PCDH15: variants seen among roughly 807,000 people sequenced by gnomAD.
PCDH15 encodes protocadherin-15.
In PCDH15, 129 loss-of-function variants were observed where a neutral mutation model predicts 178.5. The observed-to-expected ratio is 0.72, with a 90% CI of 0.63 to 0.84. The LOEUF (loss-of-function observed/expected upper bound fraction) is 0.84. Among genes scored for constraint, PCDH15 ranks in the 40% least tolerant of loss-of-function variants. The pLI, the probability that PCDH15 is intolerant of heterozygous loss-of-function variation, is 0.00. For missense variants in PCDH15, 2,230 were observed against 2,099.9 expected, an observed-to-expected ratio of 1.06 and a Z score of -1.21; for synonymous variants, 800 against 732.0, an observed-to-expected ratio of 1.09 and a Z score of -1.50.
chr10:54,750,506 A>C (rs10763135), intron 1 of PCDH15, among the ~76,000 whole-genome samples: 54,211 of 151,924 alleles, frequency 0.36, 10,065 homozygotes, highest in Middle Eastern at 0.46. Flanking sequence ...TAAAGAATTT[A>C]ACTTCACTGT....
intron 3 of PCDH15, among the ~76,000 whole-genome samples, chr10:54,864,163 A>G (rs1403891738): frequency 6.6e-6 from 1 of 152,144 alleles, no homozygotes; most frequent in East Asian, 1.9e-4. Flanking sequence ...CATACACTTG[A>G]CATCTTTGGC....
intron 1 of PCDH15, among the ~76,000 whole-genome samples, chr10:54,775,456 C>G (rs1375443624): frequency 6.6e-6 from 1 of 152,160 alleles, no homozygotes; most frequent in Non-Finnish European, 1.5e-5. Context: ...TATCCATTAT[C>G]TCCAATATTT....
chr10:54,342,857 C>T (rs552974012), intron 6 of PCDH15, among the ~76,000 whole-genome samples: 1 of 152,166 alleles, frequency 6.6e-6, no homozygotes, highest in South Asian at 2.1e-4. Flanking sequence ...TTAATAACTG[C>T]CCTGCTGTGT....
intron 36 of PCDH15, 22 bp downstream of exon 36, chr10:53,811,527 T>A: frequency 7.2e-7 from 1 of 1,383,112 alleles, no homozygotes; most frequent in South Asian, 1.6e-5. Flanking sequence ...AGAATCTGAA[T>A]TTTAAAAATC....
chr10:55,544,501 A>G (rs74521458), intron 2 of PCDH15, among the ~76,000 whole-genome samples: 1,639 of 152,222 alleles, frequency 0.011, 34 homozygotes, highest in African/African-American at 0.038. Context: ...AAATCAGGGC[A>G]TAAAGATCAT....
intron 2 of PCDH15, among the ~76,000 whole-genome samples, chr10:54,976,160 TAGAGTA>T (rs1839065327): frequency 6.6e-6 from 1 of 152,156 alleles, no homozygotes; most frequent in African/African-American, 2.4e-5. Context: ...TTTGAGGAAT[TAGAGTA>T]AAAGTTGTAG....
At chr10:54,467,023 T>G in intron 3 of PCDH15, among the ~76,000 whole-genome samples, 1 of 149,506 alleles carries the variant, frequency 6.7e-6, no homozygotes, top group Non-Finnish European at 1.5e-5. Flanking sequence ...TAACTTTATT[T>G]AATTTATATA....
At chr10:54,244,507 C>T (rs1197451242) in intron 8 of PCDH15, among the ~76,000 whole-genome samples, 6 of 152,278 alleles carry the variant, frequency 3.9e-5, no homozygotes, top group African/African-American at 7.2e-5. Flanking sequence ...ACTTGTTCCA[C>T]GCTGTCCAAG....
At chr10:54,728,162 T>C (rs752977210) in intron 1 of PCDH15, among the ~76,000 whole-genome samples, 5 of 151,388 alleles carry the variant, frequency 3.3e-5, no homozygotes, top group Admixed American at 6.6e-5. Flanking sequence ...CTGTGGTGAA[T>C]GTAGATGCAA....
intron 1 of PCDH15, among the ~76,000 whole-genome samples, chr10:55,295,466 T>C (rs893193321): frequency 6.6e-6 from 1 of 152,234 alleles, no homozygotes; most frequent in Non-Finnish European, 1.5e-5. Context: ...TATTTAAGTA[T>C]TGTTGCAAGG....
rs149545150 is a variant in PCDH15, at chr10:53,851,975, T to C, written c.3806+5200A>G. 6.6e-3 allele frequency among the ~76,000 whole-genome samples: 999 copies of C among 151,934 alleles called. 9 individuals carry two copies. The highest frequency in any genetic ancestry group is 0.024 in the Middle Eastern group (7 of 294). On this transcript the variant is annotated intron_variant, in intron 28 of 37. Transcript: ENST00000644397. ...CATATTTTATTCAGAAGGTAAGAGA[T>C]GGGTTTGAGCAACTCTGAGAAATAA...
chr10:54,507,708 A>T (rs2081287934), intron 3 of PCDH15, among the ~76,000 whole-genome samples: 2 of 152,042 alleles, frequency 1.3e-5, no homozygotes, highest in Non-Finnish European at 2.9e-5. Context: ...TTTCCCAAGC[A>T]ACTAAGCAAG....
rs560937815 is a variant in PCDH15, at chr10:55,031,626, T to C, written c.-79-134126A>G. Among the ~76,000 whole-genome samples, 33 of 152,282 alleles carry C rather than the reference T, an allele frequency of 2.2e-4. No individual in the cohort carries two copies. The East Asian group carries it at 2.9e-3, about 13-fold the overall frequency. ...TTCTAGAATTCAGATGTTGCCAATGTGATAGTATTTAGAAGGTGAGGTTTT... is the reference window on the plus strand; with the variant it reads ...TTCTAGAATTCAGATGTTGCCAATGCGATAGTATTTAGAAGGTGAGGTTTT... On this transcript the variant is annotated intron_variant, in intron 2 of 5. Transcript: ENST00000458638.
At chr10:55,624,235 A>AT (rs1294827213) in intron 2 of PCDH15, among the ~76,000 whole-genome samples, 1 of 151,980 alleles carries the variant, frequency 6.6e-6, no homozygotes, top group Non-Finnish European at 1.5e-5. Context: ...TAGTTTCCTA[A>AT]TTTTTTCCCC....
At chr10:54,634,033 A>G (rs962627639) in intron 2 of PCDH15, among the ~76,000 whole-genome samples, 1 of 152,164 alleles carries the variant, frequency 6.6e-6, no homozygotes, top group Admixed American at 6.6e-5. Flanking sequence ...ATCTTCATAA[A>G]TACCTTCCAT....
intron 2 of PCDH15, among the ~76,000 whole-genome samples, chr10:54,561,452 G>A (rs2133369728): frequency 6.6e-6 from 1 of 152,192 alleles, no homozygotes; most frequent in Middle Eastern, 3.4e-3. Flanking sequence ...TAGTTAATCA[G>A]GGACTTCTGG....
intron 2 of PCDH15, among the ~76,000 whole-genome samples, chr10:54,656,350 G>T (rs917276020): frequency 2.5e-4 from 38 of 152,010 alleles, no homozygotes. Context: ...TATAGGTGGG[G>T]GTGCTTCTCT....
At chr10:54,975,554 T>G (rs1053206684) in intron 2 of PCDH15, among the ~76,000 whole-genome samples, 2 of 151,900 alleles carry the variant, frequency 1.3e-5, no homozygotes, top group Admixed American at 1.3e-4. Context: ...ACAGACAAGG[T>G]AGATGGAGTG....
At chr10:55,034,636 T>G (rs1840692262) in intron 2 of PCDH15, among the ~76,000 whole-genome samples, 2 of 152,050 alleles carry the variant, frequency 1.3e-5, no homozygotes. Flanking sequence ...TATTTAGAAA[T>G]TAAAGAGAAT....
Sources: allele counts gnomAD v4.1 joint callset (sites outside exome capture counted in the v4.1 genomes callset), GRCh38; gene constraint gnomAD v4.1.1; transcripts MANE v1.5; gene names NCBI Gene and HGNC (gene_info 2026-07-23, HGNC 2026-07-21).